Variants in C1orf21 observed in about 807,000 individuals in gnomAD.
C1orf21 encodes chromosome 1 open reading frame 21.
C1orf21 carries 3 observed loss-of-function variants against 18.7 expected under a neutral mutation model. The ratio of observed to expected loss-of-function variants is 0.16; its 90% CI spans 0.07 to 0.42. The LOEUF is 0.42. Among genes scored for constraint, C1orf21 ranks in the 10% least tolerant of loss-of-function variants. The pLI is 0.99. For synonymous variants in C1orf21, 41 were observed against 46.4 expected, an observed-to-expected ratio of 0.88 and a Z score of 0.47; for missense variants, 104 against 143.6, an observed-to-expected ratio of 0.72 and a Z score of 1.41.
chr1:184,448,925 A>C (rs1158942986), intron 1 of C1orf21, among the ~76,000 whole-genome samples: 1 of 152,188 alleles, frequency 6.6e-6, no homozygotes, highest in Non-Finnish European at 1.5e-5. Flanking sequence ...ATTTGAAATA[A>C]TACACTTTCT....
chr1:184,563,985 C>T (rs1212833487), intron 3 of C1orf21, among the ~76,000 whole-genome samples: 1 of 152,186 alleles, frequency 6.6e-6, no homozygotes, highest in East Asian at 1.9e-4. Context: ...TATCGTAAGG[C>T]TGTTGTGGTT....
intron 3 of C1orf21, among the ~76,000 whole-genome samples, chr1:184,555,953 G>A (rs923861796): frequency 1.3e-5 from 2 of 152,184 alleles, no homozygotes; most frequent in African/African-American, 4.8e-5. Flanking sequence ...TGGGACTCCT[G>A]CTAGAGGGAG....
rs1440086949 is a variant in C1orf21 at position 184,580,889 on chromosome 1, C to T, written c.190-9850C>T. Among the ~76,000 whole-genome samples the T allele has an allele frequency of 2.6e-5, 4 of 152,144 alleles. 1 individual carries two copies. The highest frequency in any genetic ancestry group is 3.8e-4 in the East Asian group (2 of 5,196). On this transcript the variant is annotated intron_variant, in intron 3 of 5. Coordinates refer to ENST00000235307, the MANE Select transcript of C1orf21 (RefSeq NM_030806.4). Reference sequence around the variant, plus strand: ...CCATGCATATTTTTTTCATAATACACGTTTTCCATGAACTTTTTTGAAAAC... The same window carrying T: ...CCATGCATATTTTTTTCATAATACATGTTTTCCATGAACTTTTTTGAAAAC...
chr1:184,476,664 C>T (rs1657575834), intron 1 of C1orf21, among the ~76,000 whole-genome samples: 1 of 152,166 alleles, frequency 6.6e-6, no homozygotes, highest in Admixed American at 6.5e-5. Flanking sequence ...ATGAAGTTTA[C>T]GCCAAAAGCT....
intron 1 of C1orf21, among the ~76,000 whole-genome samples, chr1:184,402,961 T>TA: frequency 6.6e-6 from 1 of 152,230 alleles, no homozygotes. Flanking sequence ...CCTTGTAAAG[T>TA]GTTCCCCTGC....
chr1:184,454,877 T>C (rs1244492186), intron 1 of C1orf21, among the ~76,000 whole-genome samples: 6 of 152,064 alleles, frequency 3.9e-5, no homozygotes, highest in African/African-American at 1.4e-4. Flanking sequence ...GCTATATAGA[T>C]ATATATATAA....
At chr1:184,471,745 A>G (rs751634352) in intron 1 of C1orf21, among the ~76,000 whole-genome samples, 1 of 152,170 alleles carries the variant, frequency 6.6e-6, no homozygotes, top group East Asian at 1.9e-4. Context: ...TAGAATTACT[A>G]TATGTGGACA....
intron 3 of C1orf21, among the ~76,000 whole-genome samples, chr1:184,522,930 C>T (rs1658324514): frequency 6.6e-6 from 1 of 152,164 alleles, no homozygotes; most frequent in Non-Finnish European, 1.5e-5. Flanking sequence ...TCAAGCAATC[C>T]ACCTGCCTCG....
At chr1:184,457,460 AAT>A (rs542137133) in intron 1 of C1orf21, among the ~76,000 whole-genome samples, 1 of 148,868 alleles carries the variant, frequency 6.7e-6, no homozygotes, top group Non-Finnish European at 1.5e-5. Flanking sequence ...GTTGAATATA[AAT>A]ATATATATAT....
At chr1:184,431,906 A>G (rs1220510585) in intron 1 of C1orf21, among the ~76,000 whole-genome samples, 1 of 152,234 alleles carries the variant, frequency 6.6e-6, no homozygotes, top group Non-Finnish European at 1.5e-5. Context: ...TTTATGCAGC[A>G]AACAAACATG....
Position 184,624,378 on chromosome 1 carries a change from G to T in C1orf21, c.*4822G>T, listed in dbSNP as rs888810892. ...AATTTAGGCACACGTTTCTCTCCTT[G>T]GAATCCTTCTAGCATCTGGAAAAGG... On this transcript the variant is annotated 3_prime_UTR_variant, in exon 6 of 6. Coordinates refer to ENST00000235307, the MANE Select transcript of C1orf21 (RefSeq NM_030806.4). 6.6e-6 allele frequency: 1 copy of T among 152,604 alleles called. No individual in the cohort carries two copies. The highest frequency in any genetic ancestry group is 2.1e-4 in the South Asian group (1 of 4,830). 9.5% of individuals were successfully genotyped at this position (152,604 alleles called of 1,614,324 possible). A position where few individuals can be genotyped will look rare whatever the true frequency, so the allele number is the denominator to read the frequency against.
intron 1 of C1orf21, among the ~76,000 whole-genome samples, chr1:184,472,152 T>A (rs1657505844): frequency 6.6e-6 from 1 of 151,974 alleles, no homozygotes; most frequent in African/African-American, 2.4e-5. Flanking sequence ...AGATATATAT[T>A]TTTTCCTTTA....
intron 1 of C1orf21, among the ~76,000 whole-genome samples, chr1:184,455,945 G>A (rs1037602638): frequency 5.3e-5 from 8 of 152,202 alleles, no homozygotes; most frequent in Admixed American, 3.3e-4. Flanking sequence ...TGAGAGGAAT[G>A]TGTCTATGTA....
At chr1:184,543,182 C>CA (rs1448557490) in intron 3 of C1orf21, among the ~76,000 whole-genome samples, 2 of 152,116 alleles carry the variant, frequency 1.3e-5, no homozygotes, top group East Asian at 3.9e-4. Flanking sequence ...ACCTTCTTCA[C>CA]AAAAAAATTA....
chr1:184,510,175 A>G (rs1429489177), intron 3 of C1orf21, among the ~76,000 whole-genome samples: 1 of 152,230 alleles, frequency 6.6e-6, no homozygotes, highest in Non-Finnish European at 1.5e-5. Context: ...TTATGTATTT[A>G]TTTATACCTA....
chr1:184,486,220 T>G (rs1306954926), intron 2 of C1orf21, among the ~76,000 whole-genome samples: 2 of 152,198 alleles, frequency 1.3e-5, no homozygotes, highest in African/African-American at 4.8e-5. Context: ...TTTAGGTGGT[T>G]CCTGGGCCAT....
At chr1:184,602,301 C>T (rs575622329) in intron 5 of C1orf21, among the ~76,000 whole-genome samples, 9 of 152,290 alleles carry the variant, frequency 5.9e-5, no homozygotes, top group African/African-American at 2.2e-4. Flanking sequence ...CTGCTGCGAC[C>T]GGAGATGACC....
chr1:184,513,328 C>A (rs762238748), intron 3 of C1orf21, among the ~76,000 whole-genome samples: 3 of 152,044 alleles, frequency 2.0e-5, no homozygotes, highest in Non-Finnish European at 4.4e-5. Context: ...TATGGATGGG[C>A]AAAATCCTGG....
chr1:184,418,463 C>A (rs1656494829), intron 1 of C1orf21, among the ~76,000 whole-genome samples: 1 of 152,206 alleles, frequency 6.6e-6, no homozygotes, highest in Admixed American at 6.5e-5. Flanking sequence ...ATCTACCTGC[C>A]TTGGCCTCTC....
Sources: allele counts gnomAD v4.1 joint callset (sites outside exome capture counted in the v4.1 genomes callset), GRCh38; gene constraint gnomAD v4.1.1; transcripts MANE v1.5; gene names NCBI Gene and HGNC (gene_info 2026-07-23, HGNC 2026-07-21).